The following PTGER3 variants were observed in gnomAD, a reference collection of about 807,000 sequenced individuals.
PTGER3 encodes prostaglandin E2 receptor EP3 subtype.
Under a neutral mutation model 34.7 loss-of-function variants are expected in PTGER3, and 22 were observed. The observed-to-expected ratio is 0.63, with a 90% confidence interval of 0.45 to 0.91. The LOEUF (loss-of-function observed/expected upper bound fraction) is 0.91. Ranked by LOEUF, PTGER3 falls within the 40% of genes least tolerant of loss-of-function variation. The probability of loss-of-function intolerance (pLI) is 0.00; values close to 1 mark genes in which losing one functional copy is unlikely to be tolerated. For synonymous variants in PTGER3, 241 were observed against 230.1 expected, an observed-to-expected ratio of 1.05 and a Z score of -0.43; for missense variants, 468 against 519.4, an observed-to-expected ratio of 0.90 and a Z score of 0.96.
chr1:70,886,339 C>A (rs992246250), intron 4 of PTGER3: 7 of 447,020 alleles, frequency 1.6e-5, no homozygotes, highest in African/African-American at 1.4e-4. Context: ...CTGTGAGAAA[C>A]AAATTTCTGT....
At position 70,953,022 on chromosome 1, in the gene PTGER3, GC is replaced by G; in HGVS notation, c.1141del (p.Ala381GlnfsTer14). ...TTGTACTTGCCCACAATGTGCAGTT[GC>G]CCTCTGTATCTGAGAGTTCTGCAAA... On this transcript the variant is annotated frameshift_variant, in exon 4 of 4. Coordinates refer to the PTGER3 transcript ENST00000356595. LOFTEE classifies it low-confidence loss of function (END_TRUNC). The G allele has an allele frequency of 6.2e-7, 1 of 1,610,852 alleles. No homozygotes were observed. The highest frequency in any genetic ancestry group is 8.5e-7 in the Non-Finnish European group (1 of 1,177,998).
chr1:70,917,390 A>G (rs1252926076), intron 4 of PTGER3, among the ~76,000 whole-genome samples: 1 of 131,416 alleles, frequency 7.6e-6, no homozygotes. Context: ...TTATGGCTAA[A>G]TAGTATTTTA....
chr1:70,881,189 C>T (rs755521112), intron 4 of PTGER3, among the ~76,000 whole-genome samples: 1 of 152,252 alleles, frequency 6.6e-6, no homozygotes, highest in South Asian at 2.1e-4. Flanking sequence ...CTTTCCTCAG[C>T]TTGGTTGATG....
intron 4 of PTGER3, among the ~76,000 whole-genome samples, chr1:70,864,807 A>G (rs1045238314): frequency 6.6e-6 from 1 of 152,234 alleles, no homozygotes; most frequent in African/African-American, 2.4e-5. Flanking sequence ...TTTTGTAGAA[A>G]TTAAGCCAAG....
intron 1 of PTGER3, among the ~76,000 whole-genome samples, chr1:71,028,803 C>T (rs1659164848): frequency 6.6e-6 from 1 of 152,034 alleles, no homozygotes; most frequent in African/African-American, 2.4e-5. Flanking sequence ...TAAATCTTCT[C>T]TAGAATTTTT....
chr1:70,913,218 G>A (rs1017957101), intron 4 of PTGER3, among the ~76,000 whole-genome samples: 3 of 151,614 alleles, frequency 2.0e-5, no homozygotes, highest in South Asian at 2.1e-4. Context: ...AATCTTTTAC[G>A]AAATTTATTC....
downstream of PTGER3, among the ~76,000 whole-genome samples, chr1:70,968,722 CAT>C (rs934430838): frequency 8.6e-5 from 13 of 150,652 alleles, no homozygotes; most frequent in Admixed American, 1.3e-4. Context: ...TTTTAAGTAT[CAT>C]ATATATATAT....
chr1:70,937,990 T>A (rs959704616), intron 4 of PTGER3, among the ~76,000 whole-genome samples: 12 of 152,182 alleles, frequency 7.9e-5, no homozygotes, highest in Admixed American at 6.5e-4. Context: ...AATATGACAT[T>A]TTGGAGTCAA....
intron 4 of PTGER3, among the ~76,000 whole-genome samples, chr1:70,876,761 C>A (rs1646281772): frequency 6.6e-6 from 1 of 152,058 alleles, no homozygotes; most frequent in Non-Finnish European, 1.5e-5. Flanking sequence ...AACAAGATGC[C>A]TGTAGGTCTG....
intron 1 of PTGER3, among the ~76,000 whole-genome samples, chr1:71,039,298 C>G (rs1018525854): frequency 6.6e-5 from 10 of 151,890 alleles, no homozygotes; most frequent in African/African-American, 2.4e-4. Context: ...TAAAAGGGAA[C>G]AGATTACAGG....
intron 4 of PTGER3, among the ~76,000 whole-genome samples, chr1:70,855,342 C>T (rs1183657843): frequency 6.6e-6 from 1 of 152,012 alleles, no homozygotes; most frequent in Admixed American, 6.6e-5. Context: ...AGTTGTTTTT[C>T]GATGGGTATA....
chr1:70,870,857 C>T (rs936820146), intron 4 of PTGER3, among the ~76,000 whole-genome samples: 4 of 152,258 alleles, frequency 2.6e-5, no homozygotes, highest in South Asian at 2.1e-4. Flanking sequence ...ATATCACTAT[C>T]GGCATTTTGG....
At chr1:70,906,864 A>G (rs1202740857) in intron 4 of PTGER3, among the ~76,000 whole-genome samples, 1 of 152,206 alleles carries the variant, frequency 6.6e-6, no homozygotes, top group Non-Finnish European at 1.5e-5. Flanking sequence ...GTTCATATAC[A>G]AATGTAGCTT....
chr1:70,984,857 CA>C (rs1188876783), intron 2 of PTGER3, among the ~76,000 whole-genome samples: 2 of 152,122 alleles, frequency 1.3e-5, no homozygotes, highest in Non-Finnish European at 2.9e-5. Context: ...TAAAGTTACA[CA>C]ATTTAGAAAA....
At chr1:70,969,191 A>C (rs573321319), downstream of PTGER3, among the ~76,000 whole-genome samples, 49 of 152,280 alleles carry the variant, frequency 3.2e-4, no homozygotes, top group African/African-American at 1.0e-3. Context: ...TGGGCAACAG[A>C]GTGAGACTCT....
chr1:70,953,005 G>T (rs1408753021), exon 4 of PTGER3: 6 of 1,611,906 alleles, frequency 3.7e-6, no homozygotes, highest in Middle Eastern at 1.7e-4. Context: ...GTTTGTACTT[G>T]CCCACAATGT....
At chr1:70,918,375 C>T (rs759194087) in intron 4 of PTGER3, among the ~76,000 whole-genome samples, 2 of 151,798 alleles carry the variant, frequency 1.3e-5, no homozygotes, top group South Asian at 2.1e-4. Flanking sequence ...AAAGCACAGG[C>T]GAGCAACAAA....
At chr1:71,004,894 G>A (rs1053636750) in intron 2 of PTGER3, among the ~76,000 whole-genome samples, 5 of 152,204 alleles carry the variant, frequency 3.3e-5, no homozygotes, top group African/African-American at 1.2e-4. Flanking sequence ...AGTACCTGCT[G>A]CTTCAGGAAA....
Position 70,886,915 on chromosome 1 carries a change from A to G in PTGER3, c.*24-34056T>C, listed in dbSNP as rs75280512. On this transcript the variant is annotated intron_variant, in intron 4 of 4. Coordinates refer to the PTGER3 transcript ENST00000370931. ...GACCCCATTGACCCAGTTCTTAAATACTTCTCCTCACTGCTTAGAAGGAAG... is the reference window on the plus strand; with the variant it reads ...GACCCCATTGACCCAGTTCTTAAATGCTTCTCCTCACTGCTTAGAAGGAAG... Among the ~76,000 whole-genome samples, 14 of 152,316 alleles carry G rather than the reference A, an allele frequency of 9.2e-5. No individual in the cohort carries two copies. In the East Asian group the frequency reaches 1.9e-3, roughly 21 times the overall value.
Sources: gnomAD v4.1 joint callset for allele counts (sites outside exome capture counted in the v4.1 genomes callset) on GRCh38, gnomAD v4.1.1 for gene constraint, MANE v1.5 for transcripts, NCBI Gene and HGNC (gene_info 2026-07-23, HGNC 2026-07-21) for gene names.